SEC24D: variants seen among roughly 807,000 people sequenced by gnomAD.
The protein encoded by SEC24D is protein transport protein Sec24D.
Under a neutral mutation model 116.9 loss-of-function variants are expected in SEC24D, and 69 were observed. That is an observed-to-expected ratio of 0.59 (90% CI 0.49 to 0.72). SEC24D has a LOEUF of 0.72. SEC24D is among the 30% of genes least tolerant of loss of function. SEC24D has a pLI of 0.00. For missense variants in SEC24D, 1,131 were observed against 1,264.1 expected, an observed-to-expected ratio of 0.89 and a Z score of 1.60; for synonymous variants, 405 against 442.8, an observed-to-expected ratio of 0.91 and a Z score of 1.07.
intron 6 of SEC24D, among the ~76,000 whole-genome samples, chr4:118,810,074 C>CCGTGTGTGTGTG (rs1729839601): frequency 2.6e-5 from 1 of 38,594 alleles, no homozygotes; most frequent in Non-Finnish European, 4.9e-5. Flanking sequence ...TCAGAGGTAG[C>CCGTGTGTGTGTG]TGTGTGTGTG....
chr4:118,758,830 T>A (rs1356365788), intron 10 of SEC24D, among the ~76,000 whole-genome samples: 3 of 152,172 alleles, frequency 2.0e-5, no homozygotes, highest in Non-Finnish European at 2.9e-5. Flanking sequence ...AAACAAATTA[T>A]AGGACTTAAA....
Position 118,757,816 on chromosome 4 carries a change from A to G in SEC24D, c.1326T>C (p.Phe442=). Residue 442 remains phenylalanine, a synonymous_variant, in exon 11 of 23, where the codon TTT becomes TTC. Transcript: ENST00000280551. The part of the protein sequence containing the change: ...RKSKPPNPPA[F]IFMIDVSYSN... ...TATATGAAACATCAATCATGAAGATAAAGGCTGGTGGGTTGGGAGGCTTAC... is the reference window on the plus strand; with the variant it reads ...TATATGAAACATCAATCATGAAGATGAAGGCTGGTGGGTTGGGAGGCTTAC... The G allele has an allele frequency of 6.2e-7, 1 of 1,612,104 alleles. No individual in the cohort carries two copies. The highest frequency in any genetic ancestry group is 8.5e-7 in the Non-Finnish European group (1 of 1,178,888).
At chr4:118,742,375 G>T (rs1028514207) in intron 15 of SEC24D, among the ~76,000 whole-genome samples, 6 of 151,580 alleles carry the variant, frequency 4.0e-5, no homozygotes, top group Admixed American at 3.3e-4. Context: ...TGGAAAAGTG[G>T]GGGGGGGAAA....
At chr4:118,814,917 C>T in intron 6 of SEC24D, 111 bp downstream of exon 6, 1 of 1,201,328 alleles carries the variant, frequency 8.3e-7, no homozygotes, top group East Asian at 2.4e-5. Context: ...TGATGAGTAT[C>T]TCCTAACTTC....
At chr4:118,814,894 C>G (rs910377159) in intron 6 of SEC24D, 134 bp downstream of exon 6, 6 of 972,056 alleles carry the variant, frequency 6.2e-6, no homozygotes, top group Non-Finnish European at 9.2e-6. Context: ...AGGAAGGAAG[C>G]CTTCCCTCTA....
At chr4:118,786,787 TCAATCTAGTGATTGAGG>T (rs951636201) in intron 8 of SEC24D, among the ~76,000 whole-genome samples, 5 of 152,190 alleles carry the variant, frequency 3.3e-5, no homozygotes, top group African/African-American at 1.2e-4. Context: ...ATTTGGGTCC[TCAATCTAGTGATTGAGG>T]CAATCTAGTG....
At chr4:118,811,410 C>T (rs775778120) in intron 6 of SEC24D, among the ~76,000 whole-genome samples, 24 of 152,146 alleles carry the variant, frequency 1.6e-4, no homozygotes, top group Non-Finnish European at 3.1e-4. Flanking sequence ...CTTGGCTAGG[C>T]CATTTTTGGG....
intron 7 of SEC24D, among the ~76,000 whole-genome samples, chr4:118,801,031 A>G (rs926615142): frequency 2.6e-5 from 4 of 152,184 alleles, no homozygotes; most frequent in Non-Finnish European, 5.9e-5. Context: ...GAAGGCCGAG[A>G]CGGGTGGATC....
intron 3 of SEC24D, among the ~76,000 whole-genome samples, chr4:118,820,383 G>A (rs187775459): frequency 1.8e-3 from 271 of 152,220 alleles, no homozygotes; most frequent in African/African-American, 6.4e-3. Context: ...GTTTCACCAT[G>A]TTGACCAAGA....
At chr4:118,748,355 C>G (rs905156752) in intron 13 of SEC24D, among the ~76,000 whole-genome samples, 1 of 152,082 alleles carries the variant, frequency 6.6e-6, no homozygotes, top group African/African-American at 2.4e-5. Context: ...GTTTAAAAGT[C>G]ATATTTATTT....
chr4:118,775,935 A>C (rs1728110432), intron 8 of SEC24D, among the ~76,000 whole-genome samples: 1 of 152,178 alleles, frequency 6.6e-6, no homozygotes, highest in African/African-American at 2.4e-5. Flanking sequence ...TACTGTGAAC[A>C]ATTTTTAAAT....
intron 19 of SEC24D, 37 bp downstream of exon 19, chr4:118,738,224 G>A: frequency 7.3e-7 from 1 of 1,372,712 alleles, no homozygotes; most frequent in Non-Finnish European, 1.0e-6. Context: ...GTAGTCGTTT[G>A]TAACACTTTA....
At chr4:118,764,167 G>A (rs1727522727) in intron 10 of SEC24D, among the ~76,000 whole-genome samples, 1 of 151,964 alleles carries the variant, frequency 6.6e-6, no homozygotes, top group Admixed American at 6.6e-5. Flanking sequence ...TAGTTTGGGG[G>A]GCAATGCTTA....
intron 8 of SEC24D, among the ~76,000 whole-genome samples, chr4:118,792,678 GA>G (rs1728980284): frequency 6.6e-6 from 1 of 152,186 alleles, no homozygotes; most frequent in Non-Finnish European, 1.5e-5. Flanking sequence ...TTGTTAAACA[GA>G]TGCTTGAAGG....
intron 12 of SEC24D, 50 bp from the exon 13 acceptor site, chr4:118,752,139 T>A (rs772764757): frequency 2.5e-6 from 3 of 1,216,470 alleles, no homozygotes; most frequent in South Asian, 1.3e-5. Flanking sequence ...CATATTTTAA[T>A]AAACTTCAAG....
intron 10 of SEC24D, among the ~76,000 whole-genome samples, chr4:118,763,661 T>C (rs952297081): frequency 1.3e-5 from 2 of 152,222 alleles, no homozygotes; most frequent in Non-Finnish European, 2.9e-5. Flanking sequence ...GTATCCATAA[T>C]GATGTCATTG....
intron 2 of SEC24D, among the ~76,000 whole-genome samples, chr4:118,829,958 A>G (rs1337130892): frequency 6.6e-6 from 1 of 152,244 alleles, no homozygotes; most frequent in Non-Finnish European, 1.5e-5. Context: ...AAAGAACCAC[A>G]ATAAGTTTGC....
At chr4:118,804,705 A>G (rs530250278) in intron 7 of SEC24D, among the ~76,000 whole-genome samples, 4 of 152,156 alleles carry the variant, frequency 2.6e-5, no homozygotes, top group East Asian at 1.9e-4. Context: ...GAAGAAACAA[A>G]TTATTTTTAC....
chr4:118,758,992 T>C (rs983918700), intron 10 of SEC24D, among the ~76,000 whole-genome samples: 2 of 152,208 alleles, frequency 1.3e-5, no homozygotes, highest in African/African-American at 4.8e-5. Flanking sequence ...TTATAATGGA[T>C]GAAAATAACA....
Sources: allele counts gnomAD v4.1 joint callset (sites outside exome capture counted in the v4.1 genomes callset), GRCh38; gene constraint gnomAD v4.1.1; transcripts MANE v1.5; gene names NCBI Gene and HGNC (gene_info 2026-07-23, HGNC 2026-07-21).